Variants in TMTC2 observed in about 807,000 individuals in gnomAD.
TMTC2 encodes transmembrane O-mannosyltransferase targeting cadherins 2, also known as protein O-mannosyl-transferase TMTC2.
In TMTC2, 43 loss-of-function variants were observed where a neutral mutation model predicts 82.4. The ratio of observed to expected loss-of-function variants is 0.52; its 90% confidence interval spans 0.41 to 0.67. The LOEUF (loss-of-function observed/expected upper bound fraction) is 0.67. Ranked by LOEUF, TMTC2 falls within the 30% of genes least tolerant of loss-of-function variation. The pLI, the probability that TMTC2 is intolerant of heterozygous loss-of-function variation, is 0.00. For synonymous variants in TMTC2, 408 were observed against 381.9 expected (o/e 1.07, Z -0.80); for missense variants, 919 against 1,012.4 (o/e 0.91, Z 1.25).
chr12:83,071,532 C>T (rs1209488643), intron 11 of TMTC2, among the ~76,000 whole-genome samples: 1 of 152,074 alleles, frequency 6.6e-6, no homozygotes, highest in Non-Finnish European at 1.5e-5. Context: ...CATAAGGGTT[C>T]CTTCTTTACC....
intron 1 of TMTC2, among the ~76,000 whole-genome samples, chr12:82,835,611 A>G (rs1869991146): frequency 6.6e-6 from 1 of 152,148 alleles, no homozygotes; most frequent in African/African-American, 2.4e-5. Context: ...TTAGAATAGA[A>G]TCAACATTTT....
chr12:82,723,130 T>C (rs1000867175), intron 1 of TMTC2, among the ~76,000 whole-genome samples: 2 of 152,204 alleles, frequency 1.3e-5, no homozygotes, highest in South Asian at 4.1e-4. Flanking sequence ...TTGATCATCA[T>C]TTGACTTAAA....
intron 1 of TMTC2, among the ~76,000 whole-genome samples, chr12:82,820,961 C>T (rs1026586240): frequency 6.6e-6 from 1 of 151,942 alleles, no homozygotes; most frequent in Non-Finnish European, 1.5e-5. Flanking sequence ...TAGGCTCAAG[C>T]GATCTTCCTG....
chr12:83,129,669 C>T (rs1290982112), intron 11 of TMTC2, among the ~76,000 whole-genome samples: 1 of 152,100 alleles, frequency 6.6e-6, no homozygotes, highest in African/African-American at 2.4e-5. Context: ...TTCAGAAATC[C>T]TCAGTTTGTA....
intron 2 of TMTC2, among the ~76,000 whole-genome samples, chr12:82,863,238 A>G (rs1289919084): frequency 6.6e-6 from 1 of 151,690 alleles, no homozygotes; most frequent in African/African-American, 2.4e-5. Context: ...CACCTGTGCC[A>G]CTCTCCTCCA....
chr12:82,735,661 T>G (rs1875077967), intron 1 of TMTC2, among the ~76,000 whole-genome samples: 1 of 151,428 alleles, frequency 6.6e-6, no homozygotes, highest in Admixed American at 6.6e-5. Flanking sequence ...ATTTTGATTT[T>G]TTAAAGATGT....
rs150456217 is a variant in TMTC2, at chr12:82,799,327, G to T, written c.84-57683G>T. 3.9e-5 allele frequency among the ~76,000 whole-genome samples: 6 copies of T among 152,210 alleles called. No homozygotes were observed. In the East Asian group the frequency reaches 7.7e-4, roughly 20 times the overall value. On this transcript the variant is annotated intron_variant, in intron 1 of 11. Coordinates refer to ENST00000321196, the MANE Select transcript of TMTC2 (RefSeq NM_152588.3). ...GTTGCAGGAAGAGAGATTGTGCCCC[G>T]TTGTTTTCCAGAAGTAAGAAGTGAG...
At chr12:82,758,652 A>G (rs1346318332) in intron 1 of TMTC2, 1 of 152,168 alleles carries the variant, frequency 6.6e-6, no homozygotes, top group Non-Finnish European at 1.5e-5. Flanking sequence ...ATGACCTATA[A>G]TTAATTCCAT....
chr12:82,975,200 G>A (rs1055245334), intron 7 of TMTC2, among the ~76,000 whole-genome samples: 8 of 152,088 alleles, frequency 5.3e-5, no homozygotes, highest in African/African-American at 9.7e-5. Context: ...GAGCCTTAAC[G>A]CATGAAATAT....
intron 2 of TMTC2, among the ~76,000 whole-genome samples, chr12:82,870,740 A>G (rs1230908492): frequency 6.6e-6 from 1 of 152,184 alleles, no homozygotes; most frequent in East Asian, 1.9e-4. Context: ...CTGTCTTGTG[A>G]ATACTTGAAT....
intron 3 of TMTC2, among the ~76,000 whole-genome samples, chr12:82,899,068 A>C (rs1014007595): frequency 6.6e-6 from 1 of 152,168 alleles, no homozygotes; most frequent in African/African-American, 2.4e-5. Flanking sequence ...ACAATTATTA[A>C]ACATTTCCTT....
chr12:83,101,491 T>C (rs1884212597), intron 11 of TMTC2, among the ~76,000 whole-genome samples: 1 of 152,236 alleles, frequency 6.6e-6, no homozygotes, highest in South Asian at 2.1e-4. Flanking sequence ...ATTATGCCCC[T>C]AAATTATAGT....
chr12:82,789,499 C>T (rs1878349487), intron 1 of TMTC2, among the ~76,000 whole-genome samples: 1 of 152,030 alleles, frequency 6.6e-6, no homozygotes, highest in Non-Finnish European at 1.5e-5. Context: ...TAGAGTTTGT[C>T]CTTTCATCTG....
At chr12:82,746,496 G>C (rs1391298731) in intron 1 of TMTC2, among the ~76,000 whole-genome samples, 1 of 152,134 alleles carries the variant, frequency 6.6e-6, no homozygotes, top group African/African-American at 2.4e-5. Flanking sequence ...TTTGAGCTTT[G>C]TGAGGGACAT....
chr12:83,066,930 G>A (rs1464446018), intron 11 of TMTC2, among the ~76,000 whole-genome samples: 1 of 151,952 alleles, frequency 6.6e-6, no homozygotes, highest in Admixed American at 6.6e-5. Flanking sequence ...TATCAAGGAA[G>A]GAGTTAGAAG....
intron 9 of TMTC2, among the ~76,000 whole-genome samples, chr12:83,032,950 C>T (rs1881503082): frequency 6.6e-6 from 1 of 152,032 alleles, no homozygotes; most frequent in Admixed American, 6.5e-5. Context: ...TCTTAGAACC[C>T]TTGGATTGTT....
chr12:82,734,638 A>G (rs527275903), intron 1 of TMTC2, among the ~76,000 whole-genome samples: 4 of 152,312 alleles, frequency 2.6e-5, no homozygotes, highest in East Asian at 1.9e-4. Context: ...TCTTAATATT[A>G]TGCCTACCAC....
At chr12:82,744,164 G>A (rs1259524835) in intron 1 of TMTC2, among the ~76,000 whole-genome samples, 1 of 152,136 alleles carries the variant, frequency 6.6e-6, no homozygotes, top group Non-Finnish European at 1.5e-5. Context: ...GCTCATGCCT[G>A]TAATCCCAGC....
intron 11 of TMTC2, among the ~76,000 whole-genome samples, chr12:83,104,736 A>T (rs906294253): frequency 6.6e-6 from 1 of 152,166 alleles, no homozygotes; most frequent in Non-Finnish European, 1.5e-5. Flanking sequence ...GGATATTAGC[A>T]TTTGGCTCCA....
Sources: allele counts gnomAD v4.1 joint callset (sites outside exome capture counted in the v4.1 genomes callset), GRCh38; gene constraint gnomAD v4.1.1; transcripts MANE v1.5; gene names NCBI Gene and HGNC (gene_info 2026-07-23, HGNC 2026-07-21).